The following NBEAL1 variants were observed in gnomAD, a reference collection of about 807,000 sequenced individuals.
NBEAL1 encodes neurobeachin-like protein 1.
NBEAL1 carries 273 observed loss-of-function variants against 351.3 expected under a neutral mutation model. The ratio of observed to expected loss-of-function variants is 0.78; its 90% CI spans 0.70 to 0.86. The LOEUF (loss-of-function observed/expected upper bound fraction) is 0.86. Among genes scored for constraint, NBEAL1 ranks in the 40% least tolerant of loss-of-function variants. NBEAL1 has a pLI of 0.00. For synonymous variants in NBEAL1, 1,050 were observed against 1,086.4 expected, an observed-to-expected ratio of 0.97 and a Z score of 0.66; for missense variants, 2,961 against 3,201.3, an observed-to-expected ratio of 0.92 and a Z score of 1.81.
At chr2:203,142,107 G>A (rs1198514570) in intron 31 of NBEAL1, among the ~76,000 whole-genome samples, 1 of 152,048 alleles carries the variant, frequency 6.6e-6, no homozygotes, top group Non-Finnish European at 1.5e-5. Context: ...ACCTATGTAG[G>A]GCATCACCCA....
At chr2:203,127,087 G>A (rs991612002) in intron 23 of NBEAL1, among the ~76,000 whole-genome samples, 161 bp downstream of exon 23, 2 of 152,148 alleles carry the variant, frequency 1.3e-5, no homozygotes, top group African/African-American at 2.4e-5. Context: ...ACAGTGGATC[G>A]CATACACTGA....
chr2:203,070,359 C>CTCT (rs1291924507), intron 7 of NBEAL1, among the ~76,000 whole-genome samples: 8 of 92,340 alleles, frequency 8.7e-5, no homozygotes, highest in East Asian at 2.5e-4. Flanking sequence ...CTCTCTCTCT[C>CTCT]TTTTTTTTTT....
intron 3 of NBEAL1, among the ~76,000 whole-genome samples, chr2:203,047,392 C>T (rs2061246549): frequency 6.6e-6 from 1 of 152,086 alleles, no homozygotes; most frequent in South Asian, 2.1e-4. Flanking sequence ...AAAATATTAA[C>T]AGAATATTAA....
chr2:203,116,271 A>G (rs1270591338), intron 18 of NBEAL1, among the ~76,000 whole-genome samples: 1 of 152,182 alleles, frequency 6.6e-6, no homozygotes, highest in Non-Finnish European at 1.5e-5. Context: ...AAATATTATC[A>G]TTATGTCATC....
intron 10 of NBEAL1, among the ~76,000 whole-genome samples, chr2:203,095,401 TCTC>T (rs1363080396): frequency 6.6e-6 from 1 of 151,668 alleles, no homozygotes; most frequent in African/African-American, 2.4e-5. Context: ...TTCAAGCAAG[TCTC>T]CTGCCTCAGC....
At chr2:203,074,181 A>G (rs888962536) in intron 7 of NBEAL1, among the ~76,000 whole-genome samples, 2 of 152,230 alleles carry the variant, frequency 1.3e-5, no homozygotes, top group Non-Finnish European at 2.9e-5. Context: ...ACATATTTCA[A>G]AATACCATGT....
chr2:203,054,082 G>A (rs1473761271), intron 4 of NBEAL1, among the ~76,000 whole-genome samples: 1 of 152,018 alleles, frequency 6.6e-6, no homozygotes, highest in African/African-American at 2.4e-5. Flanking sequence ...TCAGCCTCCT[G>A]AGTAGCTGGG....
intron 2 of NBEAL1, 41 bp downstream of exon 2, chr2:203,016,476 T>G: frequency 7.7e-7 from 1 of 1,304,410 alleles, no homozygotes; most frequent in Non-Finnish European, 1.0e-6. Context: ...TAAAATACTT[T>G]ATTATAAAAT....
intron 18 of NBEAL1, among the ~76,000 whole-genome samples, chr2:203,118,327 A>G (rs1364869148): frequency 6.6e-6 from 1 of 152,210 alleles, no homozygotes; most frequent in Admixed American, 6.5e-5. Context: ...AAATATTTGT[A>G]TAGCCTTTTA....
chr2:203,125,959 G>C lies in NBEAL1; in HGVS notation c.2852-1G>C. On this transcript the variant is annotated splice_acceptor_variant, in intron 20 of 55. Coordinates refer to ENST00000683969, the MANE Select transcript of NBEAL1 (RefSeq NM_001378026.1). LOFTEE classifies it high-confidence loss of function. ...TAATTAATATGTTCCTGATTCTACA[G>C]AGTCAAGACTAGAGAGAAACCTAGT... The C allele has an allele frequency of 6.6e-7, 1 of 1,510,676 alleles. No individual in the cohort carries two copies. The highest frequency in any genetic ancestry group is 8.8e-7 in the Non-Finnish European group (1 of 1,131,958). The allele number at this position is 1,510,676 out of a possible 1,614,324, so 93.6% of individuals were successfully genotyped here.
Position 203,130,460 on chromosome 2 carries a change from G to C in NBEAL1, c.3548G>C (p.Arg1183Thr), listed in dbSNP as rs1304186523. 7.0e-7 allele frequency: 1 copy of C among 1,432,418 alleles called. No individual in the cohort carries two copies. Among genetic ancestry groups the C allele is most frequent in the Non-Finnish European group, 9.1e-7 (1 of 1,096,614 alleles). The allele number at this position is 1,432,418 out of a possible 1,614,324, so 88.7% of individuals were successfully genotyped here. A position where few individuals can be genotyped will look rare whatever the true frequency, so the allele number is the denominator to read the frequency against. Residue 1183 changes from arginine to threonine, a missense_variant, in exon 25 of 56, where the codon AGA becomes ACA. Coordinates refer to ENST00000683969, the MANE Select transcript of NBEAL1 (RefSeq NM_001378026.1). ...LLNQKYSDRL[R>T]EIIFKIMEQM... is the part of the protein sequence containing the mutation. ...AATCAGAAGTACTCTGACAGACTAA[G>C]AGAAATCATTTTTAAGGTACAAACA...
intron 15 of NBEAL1, among the ~76,000 whole-genome samples, chr2:203,111,000 G>C (rs1013401953): frequency 1.3e-5 from 2 of 151,828 alleles, no homozygotes; most frequent in African/African-American, 4.8e-5. Context: ...TCTTGACCTT[G>C]TGATCCGCCC....
intron 9 of NBEAL1, 87 bp downstream of exon 9, chr2:203,083,612 TGG>T: frequency 9.7e-7 from 1 of 1,026,096 alleles, no homozygotes; most frequent in Non-Finnish European, 1.4e-6. Context: ...GGCCATTGTA[TGG>T]AAAGTATTGA....
chr2:203,197,432 T>C (rs992061447), intron 48 of NBEAL1, 41 bp downstream of exon 48: 2 of 1,249,914 alleles, frequency 1.6e-6, no homozygotes, highest in Non-Finnish European at 1.2e-6. Context: ...TATGCCTATA[T>C]TCATTACAAC....
chr2:203,179,938 T>C (rs1291836508), intron 42 of NBEAL1, among the ~76,000 whole-genome samples: 1 of 152,092 alleles, frequency 6.6e-6, no homozygotes, highest in Non-Finnish European at 1.5e-5. Flanking sequence ...CACGCCTGGC[T>C]AATTTTTGTA....
At chr2:203,140,581 G>A (rs909642973) in intron 31 of NBEAL1, among the ~76,000 whole-genome samples, 1 of 151,746 alleles carries the variant, frequency 6.6e-6, no homozygotes, top group Admixed American at 6.6e-5. Flanking sequence ...ATATGGAAAA[G>A]CTAAACAAGT....
At chr2:203,045,669 T>A (rs2106057717) in intron 3 of NBEAL1, among the ~76,000 whole-genome samples, 1 of 152,362 alleles carries the variant, frequency 6.6e-6, no homozygotes, top group African/African-American at 2.4e-5. Flanking sequence ...GTATTCTACA[T>A]GTGACTACTT....
chr2:203,078,608 G>A (rs2061819221), intron 8 of NBEAL1, among the ~76,000 whole-genome samples: 1 of 152,130 alleles, frequency 6.6e-6, no homozygotes, highest in South Asian at 2.1e-4. Flanking sequence ...CCCAAGTACT[G>A]GAATTACGGG....
chr2:203,053,938 T>C (rs533736288), intron 4 of NBEAL1, among the ~76,000 whole-genome samples: 8 of 152,290 alleles, frequency 5.3e-5, no homozygotes, highest in African/African-American at 1.4e-4. Flanking sequence ...TTTTCTTTCA[T>C]GGATTATGCT....
Sources: gnomAD v4.1 joint callset for allele counts (sites outside exome capture counted in the v4.1 genomes callset) on GRCh38, gnomAD v4.1.1 for gene constraint, MANE v1.5 for transcripts, NCBI Gene and HGNC (gene_info 2026-07-23, HGNC 2026-07-21) for gene names.